The following MATN1 variants were observed in gnomAD, a reference collection of about 807,000 sequenced individuals.
MATN1 encodes matrilin 1.
MATN1 carries 34 observed loss-of-function variants against 41.3 expected under a neutral mutation model. The observed-to-expected ratio is 0.82, with a 90% CI of 0.63 to 1.10. The LOEUF is 1.10. Ranked by LOEUF, MATN1 falls within the 50% of genes least tolerant of loss-of-function variation. MATN1 has a pLI of 0.00. For synonymous variants in MATN1, 264 were observed against 278.7 expected (o/e 0.95, Z 0.53); for missense variants, 602 against 662.4 (o/e 0.91, Z 1.00).
chr1:30,715,333 A>G (rs1306891377), intron 5 of MATN1, 24 bp from the exon 6 acceptor site: 2 of 1,612,442 alleles, frequency 1.2e-6, no homozygotes, highest in Middle Eastern at 1.7e-4. Context: ...CAGGAGAAGT[A>G]AGGCTGGACA....
intron 3 of MATN1, 49 bp from the exon 4 acceptor site, chr1:30,716,964 C>T (rs1426200521): frequency 1.3e-6 from 2 of 1,556,092 alleles, no homozygotes; most frequent in Admixed American, 1.8e-5. Context: ...GTGCCTTGGG[C>T]ACTACAGACA....
intron 2 of MATN1, 109 bp downstream of exon 2, chr1:30,721,296 T>G (rs1322999413): frequency 9.4e-7 from 1 of 1,065,980 alleles, no homozygotes; most frequent in African/African-American, 1.6e-5. Flanking sequence ...AGCTATGAAA[T>G]GGCCACCTCA....
chr1:30,716,756 C>A lies in MATN1; in HGVS notation c.790+34G>T, dbSNP rs1489260311. ...GGCCCCATCACCTCCCCTCCACACC[C>A]TCTCCAGGGCGAGCCTGTGTCCACC... On this transcript the variant is annotated intron_variant, in intron 4 of 7. Coordinates refer to ENST00000373765, the MANE Select transcript of MATN1 (RefSeq NM_002379.3). 5.0e-6 allele frequency: 8 copies of A among 1,609,050 alleles called. No individual in the cohort carries two copies. In the Admixed American group the frequency reaches 6.7e-5, roughly 13 times the overall value.
chr1:30,715,879 G>C, intron 5 of MATN1, 30 bp downstream of exon 5: 1 of 1,590,234 alleles, frequency 6.3e-7, no homozygotes, highest in Non-Finnish European at 8.6e-7. Flanking sequence ...GCCATCAGTG[G>C]TGTCCAGGGT....
intron 2 of MATN1, chr1:30,720,404 T>TA (rs1313414827): frequency 5.3e-5 from 8 of 152,232 alleles, no homozygotes; most frequent in African/African-American, 1.7e-4. Context: ...GGCTGCCTGA[T>TA]ACGTCATTTC....
intron 5 of MATN1, 39 bp from the exon 6 acceptor site, chr1:30,715,348 G>A: frequency 6.2e-7 from 1 of 1,608,862 alleles, no homozygotes; most frequent in Non-Finnish European, 8.5e-7. Flanking sequence ...TGGACATGGG[G>A]ATGGGCAACC....
At chr1:30,713,851 C>T in intron 7 of MATN1, 1 of 604,016 alleles carries the variant, frequency 1.7e-6, no homozygotes, top group African/African-American at 1.8e-5. Context: ...TTTAGACCTG[C>T]TGGGTTCCCC....
At chr1:30,718,683 G>A in intron 3 of MATN1, 52 bp downstream of exon 3, 2 of 1,046,144 alleles carry the variant, frequency 1.9e-6, no homozygotes, top group Non-Finnish European at 1.2e-6. Flanking sequence ...CCGCCCCGCC[G>A]CTCTCCCCTT....
intron 3 of MATN1, among the ~76,000 whole-genome samples, chr1:30,717,642 G>GTTTTTTTTTTTTTTTTTT (rs751915676): frequency 9.1e-6 from 1 of 109,992 alleles, no homozygotes. Context: ...TGTGTGTGCG[G>GTTTTTTTTTTTTTTTTTT]TTTTTTTTTT....
rs781008601 is a variant in MATN1 at position 30,716,145 on chromosome 1, C to T, written c.971G>A (p.Arg324His). ...VGLVQYSSSV[R>H]QEFPLGRFHT... is the part of the protein sequence containing the mutation. The stretch of plus-strand genomic sequence containing the variant: ...GAAGCGACCCAGGGGGAACTCCTGG[C>T]GCACAGAGCTTGAGTACTGCACCAG... Residue 324 changes from arginine (R) to histidine (H), a missense_variant, in exon 5 of 8, where the codon CGC becomes CAC. Coordinates refer to ENST00000373765, the MANE Select transcript of MATN1 (RefSeq NM_002379.3). 178 of 1,614,072 alleles carry T rather than the reference C, an allele frequency of 1.1e-4. No individual in the cohort carries two copies. The highest frequency in any genetic ancestry group is 1.6e-4 in the Middle Eastern group (1 of 6,084).
rs181659931 is a variant in MATN1 at position 30,712,240 on chromosome 1, C to G, written c.*1342G>C. ...TCTGAGAGGACAGAGATGGAGATTCCGGAGCAGCACTGGTCCAACAGGGGC... is the reference window on the plus strand; with the variant it reads ...TCTGAGAGGACAGAGATGGAGATTCGGGAGCAGCACTGGTCCAACAGGGGC... On this transcript the variant is annotated 3_prime_UTR_variant, in exon 8 of 8. Coordinates refer to ENST00000373765, the MANE Select transcript of MATN1 (RefSeq NM_002379.3). 6.6e-6 allele frequency: 1 copy of G among 152,154 alleles called. No individual in the cohort carries two copies. Among genetic ancestry groups the G allele is most frequent in the Admixed American group, 6.5e-5 (1 of 15,274 alleles). The allele number at this position is 152,154 out of a possible 1,614,324, so 9.4% of individuals were successfully genotyped here. A position where few individuals can be genotyped will look rare whatever the true frequency, so the allele number is the denominator to read the frequency against.
Position 30,714,331 on chromosome 1 carries a change from CA to C in MATN1, c.1361-5del, listed in dbSNP as rs1220491132. ...TCGCAGGCACACGGGTCTTCCTCTG[CA>C]GGGGACAAGGAGGAGGGAAAGAGAA... is the stretch of plus-strand genomic sequence containing the variant. On this transcript the variant is annotated splice_region_variant and splice_polypyrimidine_tract_variant and intron_variant, in intron 6 of 7. Transcript: ENST00000373765. 5.0e-6 allele frequency: 8 copies of C among 1,607,588 alleles called. 1 individual carries two copies. The South Asian group carries it at 8.9e-5, about 18-fold the overall frequency.
At chr1:30,715,684 C>T (rs896065991) in intron 5 of MATN1, among the ~76,000 whole-genome samples, 4 of 152,192 alleles carry the variant, frequency 2.6e-5, no homozygotes, top group South Asian at 4.1e-4. Flanking sequence ...GGAAAAGTTC[C>T]AAGCCTCACT....
Position 30,723,428 on chromosome 1 carries a change from G to C in MATN1, c.94+30C>G. On this transcript the variant is annotated intron_variant, in intron 1 of 7. Coordinates refer to ENST00000373765, the MANE Select transcript of MATN1 (RefSeq NM_002379.3). The stretch of plus-strand genomic sequence containing the variant: ...CTGAGGGTCAGGGCCCACTAGCTCA[G>C]TAGCCCCCATCTCACGCAAGCCCCC... 1.4e-6 allele frequency: 2 copies of C among 1,469,576 alleles called. 1 individual carries two copies. Among genetic ancestry groups the C allele is most frequent in the South Asian group, 2.7e-5 (2 of 74,494 alleles). 91.0% of individuals were successfully genotyped at this position (1,469,576 alleles called of 1,614,324 possible). A position where few individuals can be genotyped will look rare whatever the true frequency, so the allele number is the denominator to read the frequency against.
At chr1:30,718,628 G>T (rs1455687160) in intron 3 of MATN1, 107 bp downstream of exon 3, 1 of 349,570 alleles carries the variant, frequency 2.9e-6, no homozygotes, top group Non-Finnish European at 4.3e-6. Context: ...CGCCGGCGCT[G>T]GCTCCGTCTG....
chr1:30,723,119 G>T (rs1382141874), intron 1 of MATN1, among the ~76,000 whole-genome samples: 2 of 152,176 alleles, frequency 1.3e-5, no homozygotes, highest in African/African-American at 4.8e-5. Flanking sequence ...GGCATCCCAG[G>T]TCTGCTGTCA....
rs374900994 is a variant in MATN1 at position 30,718,721 on chromosome 1, G to A, written c.664+14C>T. The A allele has an allele frequency of 2.1e-6, 3 of 1,422,176 alleles. No individual in the cohort carries two copies. The highest frequency in any genetic ancestry group is 2.5e-5 in the South Asian group (2 of 79,256). 88.1% of individuals were successfully genotyped at this position (1,422,176 alleles called of 1,614,324 possible). On this transcript the variant is annotated intron_variant, in intron 3 of 7. Coordinates refer to ENST00000373765, the MANE Select transcript of MATN1 (RefSeq NM_002379.3). ...CCGCCCCTGCCCTGGCTCCGCCCCC[G>A]CCTGCCCGCGCACCGCAGAAGGCCT... is the stretch of plus-strand genomic sequence containing the variant.
Position 30,712,787 on chromosome 1 carries a change from A to C in MATN1, c.*795T>G, listed in dbSNP as rs1011365614. ...ATGAATGAATGAACAAATGAGTCCTATCTGGTGTCATTGCCCTTTTTCTCT... is the reference window on the plus strand; with the variant it reads ...ATGAATGAATGAACAAATGAGTCCTCTCTGGTGTCATTGCCCTTTTTCTCT... On this transcript the variant is annotated 3_prime_UTR_variant, in exon 8 of 8. Transcript: ENST00000373765. 6.6e-6 allele frequency: 1 copy of C among 152,198 alleles called. No homozygotes were observed. The highest frequency in any genetic ancestry group is 2.4e-5 in the African/African-American group (1 of 41,396). The allele number at this position is 152,198 out of a possible 1,614,324, so 9.4% of individuals were successfully genotyped here.
intron 6 of MATN1, 38 bp from the exon 7 acceptor site, chr1:30,714,365 G>A (rs1204164229): frequency 6.5e-7 from 1 of 1,534,278 alleles, no homozygotes; most frequent in African/African-American, 1.4e-5. Context: ...GAAAGGAACT[G>A]TTGAGTGGCT....
Sources: gnomAD v4.1 joint callset for allele counts (sites outside exome capture counted in the v4.1 genomes callset) on GRCh38, gnomAD v4.1.1 for gene constraint, MANE v1.5 for transcripts, NCBI Gene and HGNC (gene_info 2026-07-23, HGNC 2026-07-21) for gene names.